Variants in TUBGCP3 observed in about 807,000 individuals in gnomAD.
TUBGCP3 encodes tubulin gamma complex component 3, also known as gamma-tubulin complex component 3.
TUBGCP3 carries 50 observed loss-of-function variants against 123.1 expected under a neutral mutation model. The observed-to-expected ratio is 0.41, with a 90% CI of 0.32 to 0.51. TUBGCP3 has a LOEUF of 0.51. TUBGCP3 is among the 20% of genes least tolerant of loss of function. The pLI is 0.36. For missense variants in TUBGCP3, 882 were observed against 1,127.0 expected (o/e 0.78, Z 3.11); for synonymous variants, 405 against 413.9 (o/e 0.98, Z 0.26).
At chr13:112,486,823 G>A (rs145052475) in intron 21 of TUBGCP3, among the ~76,000 whole-genome samples, 99 of 152,320 alleles carry the variant, frequency 6.5e-4, no homozygotes, top group African/African-American at 2.3e-3. Context: ...TGCATGCCAC[G>A]GGGTGCTGAT....
chr13:112,556,139 G>A lies in TUBGCP3; in HGVS notation c.634C>T (p.Pro212Ser), dbSNP rs1880014296. 6.2e-7 allele frequency: 1 copy of A among 1,614,068 alleles called. No individual in the cohort carries two copies. Among genetic ancestry groups the A allele is most frequent in the Non-Finnish European group, 8.5e-7 (1 of 1,179,996 alleles). ...RLAWTLTANQ[P>S]SSQATTSKGV... ...TTTGAGGTAGTGGCTTGTGAAGAAG[G>A]CTGATTTGCAGTTAAAGTCCATGCG... is the stretch of plus-strand genomic sequence containing the variant. Residue 212 changes from proline to serine, a missense_variant, in exon 6 of 22, where the codon CCT becomes TCT. Coordinates refer to ENST00000261965, the MANE Select transcript of TUBGCP3 (RefSeq NM_006322.6).
intron 20 of TUBGCP3, among the ~76,000 whole-genome samples, chr13:112,492,916 GT>G (rs1352295338): frequency 1.4e-5 from 2 of 146,178 alleles, no homozygotes; most frequent in South Asian, 2.2e-4. Context: ...GGGGCCTGAT[GT>G]CCCTGAGACA....
chr13:112,494,154 G>A (rs1880363654), intron 20 of TUBGCP3, among the ~76,000 whole-genome samples: 2 of 151,796 alleles, frequency 1.3e-5, no homozygotes, highest in South Asian at 2.1e-4. Flanking sequence ...TCTAGGTATG[G>A]GAACGGGGCC....
chr13:112,516,419 G>A (rs1466935957), intron 17 of TUBGCP3, 21 bp downstream of exon 17: 11 of 1,577,688 alleles, frequency 7.0e-6, no homozygotes, highest in Non-Finnish European at 8.6e-6. Context: ...GTGCGGACCC[G>A]TGACCGTGCT....
At chr13:112,513,412 A>ATTTTT (rs1881802960) in intron 17 of TUBGCP3, among the ~76,000 whole-genome samples, 1 of 152,184 alleles carries the variant, frequency 6.6e-6, no homozygotes, top group African/African-American at 2.4e-5. Flanking sequence ...CATGATCAAA[A>ATTTTT]ACTCTTGCCC....
chr13:112,595,177 C>T, the TUBGCP3 span, among the ~76,000 whole-genome samples: 93 of 151,568 alleles, frequency 6.1e-4, no homozygotes, highest in African/African-American at 2.1e-3. Flanking sequence ...TGCTGTTTCT[C>T]TTTTGAGCTC....
At chr13:112,514,122 A>G (rs1042924298) in intron 17 of TUBGCP3, among the ~76,000 whole-genome samples, 1 of 152,150 alleles carries the variant, frequency 6.6e-6, no homozygotes, top group Non-Finnish European at 1.5e-5. Flanking sequence ...ACACCCACAT[A>G]ATGTTTGTAA....
chr13:112,487,053 A>ATGTGTGTGTATGTGTGTG lies in TUBGCP3; in HGVS notation c.2566-903_2566-902insCACACACATACACACACA, dbSNP rs1879720808. Reference sequence around the variant, plus strand: ...ACCTCTGAGCAGGCAAACACTGTGTATGTGTGTGTGTGTGTGTGTGTGTGT... The same window carrying ATGTGTGTGTATGTGTGTG: ...ACCTCTGAGCAGGCAAACACTGTGTATGTGTGTGTATGTGTGTGTGTGTGTGTGTGTGTGTGTGTGTGT... On this transcript the variant is annotated intron_variant, in intron 21 of 21. Coordinates refer to ENST00000261965, the MANE Select transcript of TUBGCP3 (RefSeq NM_006322.6). 2.0e-5 allele frequency among the ~76,000 whole-genome samples: 3 copies of ATGTGTGTGTATGTGTGTG among 147,412 alleles called. No homozygotes were observed. The South Asian group carries it at 6.6e-4, about 32-fold the overall frequency.
intron 1 of TUBGCP3, among the ~76,000 whole-genome samples, chr13:112,581,197 C>A (rs78712927): frequency 6.6e-6 from 1 of 152,152 alleles, no homozygotes; most frequent in South Asian, 2.1e-4. Context: ...TCACACCCCC[C>A]CATCTTTCTG....
intron 17 of TUBGCP3, among the ~76,000 whole-genome samples, chr13:112,506,196 G>A (rs1881295414): frequency 6.6e-6 from 1 of 152,144 alleles, no homozygotes; most frequent in Admixed American, 6.5e-5. Flanking sequence ...TAAAGAGAGG[G>A]ATGACACACT....
the TUBGCP3 span, among the ~76,000 whole-genome samples, chr13:112,598,627 T>C: frequency 1.3e-5 from 2 of 152,046 alleles, no homozygotes; most frequent in Non-Finnish European, 2.9e-5. Context: ...AGAGTGAAAA[T>C]ACTGATAACT....
the TUBGCP3 span, chr13:112,603,426 T>C: frequency 2.0e-5 from 3 of 152,234 alleles, no homozygotes; most frequent in African/African-American, 7.2e-5. Context: ...AAGAATTCCA[T>C]ATAACGGTCC....
intron 3 of TUBGCP3, among the ~76,000 whole-genome samples, chr13:112,562,317 G>A (rs577430843): frequency 7.9e-5 from 12 of 151,306 alleles, no homozygotes; most frequent in Non-Finnish European, 1.5e-5. Context: ...CCAGCCAGGG[G>A]CCACTAGGGG....
upstream of TUBGCP3, among the ~76,000 whole-genome samples, chr13:112,589,971 A>G (rs558556773): frequency 1.1e-4 from 16 of 152,002 alleles, no homozygotes; most frequent in Non-Finnish European, 1.8e-4. Flanking sequence ...CATACTTCCA[A>G]CTAAGTTACA....
the TUBGCP3 span, among the ~76,000 whole-genome samples, chr13:112,601,713 G>C: frequency 1.2e-4 from 19 of 152,224 alleles, 1 homozygote; most frequent in African/African-American, 4.3e-4. Context: ...CCCTTTTCAG[G>C]CCTATACAAC....
At chr13:112,542,622 T>A (rs9550138) in intron 11 of TUBGCP3, among the ~76,000 whole-genome samples, 2,453 of 152,254 alleles carry the variant, frequency 0.016, 32 homozygotes, top group Non-Finnish European at 0.023. Context: ...ATAGATGGCA[T>A]GTATATGTAT....
intron 10 of TUBGCP3, 86 bp downstream of exon 10, chr13:112,547,534 G>T: frequency 3.4e-6 from 4 of 1,179,472 alleles, no homozygotes; most frequent in Non-Finnish European, 4.3e-6. Flanking sequence ...TGGGAAAGAC[G>T]TGCATGGGAA....
intron 19 of TUBGCP3, among the ~76,000 whole-genome samples, chr13:112,500,552 T>A (rs1880836592): frequency 6.6e-6 from 1 of 152,116 alleles, no homozygotes; most frequent in African/African-American, 2.4e-5. Context: ...TCAATACCAT[T>A]TCAGACCAGC....
intron 13 of TUBGCP3, among the ~76,000 whole-genome samples, chr13:112,524,000 C>T (rs1456114128): frequency 2.0e-5 from 3 of 152,130 alleles, no homozygotes; most frequent in Admixed American, 1.3e-4. Context: ...ATGGACAGGA[C>T]GACGGGGACC....
Sources: gnomAD v4.1 joint callset for allele counts (sites outside exome capture counted in the v4.1 genomes callset) on GRCh38, gnomAD v4.1.1 for gene constraint, MANE v1.5 for transcripts, NCBI Gene and HGNC (gene_info 2026-07-23, HGNC 2026-07-21) for gene names.